KCTD1: variants seen among roughly 807,000 people sequenced by gnomAD.
KCTD1 encodes the protein potassium channel tetramerization domain containing 1, also known as BTB/POZ domain-containing protein KCTD1.
In KCTD1, 24 loss-of-function variants were observed where a neutral mutation model predicts 66.0. That is an observed-to-expected ratio of 0.36 (90% CI 0.26 to 0.51). KCTD1 has a LOEUF of 0.51. Ranked by LOEUF, KCTD1 falls within the 20% of genes least tolerant of loss-of-function variation. KCTD1 has a pLI of 0.95. For synonymous variants in KCTD1, 511 were observed against 517.2 expected, an observed-to-expected ratio of 0.99 and a Z score of 0.16; for missense variants, 943 against 1,205.2, an observed-to-expected ratio of 0.78 and a Z score of 3.22.
At chr18:26,569,756 C>G (rs181108586) in intron 1 of KCTD1, among the ~76,000 whole-genome samples, 4 of 152,138 alleles carry the variant, frequency 2.6e-5, no homozygotes, top group African/African-American at 9.7e-5. Flanking sequence ...TCTCCTAGCT[C>G]GGATCTGAAA....
upstream of KCTD1, chr18:26,549,273 G>A: frequency 1.0e-6 from 1 of 985,600 alleles, no homozygotes; most frequent in Non-Finnish European, 1.2e-6. Flanking sequence ...GGGGCCTGGG[G>A]CCAGCCGCGC....
At chr18:26,470,157 A>T (rs547076396) in intron 3 of KCTD1, among the ~76,000 whole-genome samples, 26 of 152,170 alleles carry the variant, frequency 1.7e-4, no homozygotes, top group Admixed American at 1.7e-3. Flanking sequence ...AAATATTTAC[A>T]TGCTTAATAT....
At chr18:26,517,553 A>C (rs2144737497) in intron 1 of KCTD1, among the ~76,000 whole-genome samples, 1 of 148,640 alleles carries the variant, frequency 6.7e-6, no homozygotes, top group Non-Finnish European at 1.5e-5. Context: ...GCTACTCAAG[A>C]GGCTGAGGCA....
intron 1 of KCTD1, among the ~76,000 whole-genome samples, chr18:26,611,698 G>A (rs1348201645): frequency 6.6e-6 from 1 of 152,124 alleles, no homozygotes; most frequent in African/African-American, 2.4e-5. Context: ...ATCTGTGTTA[G>A]TTCTGGATTG....
chr18:26,558,939 A>C (rs1985776804), intron 1 of KCTD1, among the ~76,000 whole-genome samples: 1 of 152,078 alleles, frequency 6.6e-6, no homozygotes, highest in Admixed American at 6.5e-5. Context: ...AAGCAAAAAA[A>C]GAAAAAAAAA....
chr18:26,579,427 A>C (rs1411238843), intron 1 of KCTD1, among the ~76,000 whole-genome samples: 1 of 152,232 alleles, frequency 6.6e-6, no homozygotes, highest in Non-Finnish European at 1.5e-5. Context: ...ACAATTTTGC[A>C]GATGACCCCA....
intron 1 of KCTD1, among the ~76,000 whole-genome samples, chr18:26,504,158 C>CT (rs921754000): frequency 6.6e-6 from 1 of 152,130 alleles, no homozygotes; most frequent in Non-Finnish European, 1.5e-5. Context: ...CAGCCTCAAA[C>CT]TTCTGGGATC....
At chr18:26,633,370 T>C (rs73405396), upstream of KCTD1, among the ~76,000 whole-genome samples, 288 of 152,104 alleles carry the variant, frequency 1.9e-3, no homozygotes, top group African/African-American at 6.1e-3. Flanking sequence ...CAAATTATCA[T>C]AAAAGGAGGC....
In KCTD1 at chr18:26,647,519, C is replaced by CAAAAAAAAAAAAAAAAAAAAAA. The variant is rs57856118; in HGVS notation, c.9+9819_9+9840dup. On this transcript the variant is annotated intron_variant, in intron 1 of 4. Transcript: ENST00000580191. ...TGGGAAACAGAGTGAGACTCCATCT[C>CAAAAAAAAAAAAAAAAAAAAAA]AAAAAAAAAAAAAAAAAAAAAAAAA... Among the ~76,000 whole-genome samples, 24 of 57,318 alleles carry CAAAAAAAAAAAAAAAAAAAAAA rather than the reference C, an allele frequency of 4.2e-4. 1 individual carries two copies. Among genetic ancestry groups the CAAAAAAAAAAAAAAAAAAAAAA allele is most frequent in the Admixed American group, 9.1e-4 (3 of 3,314 alleles). 37.6% of individuals were successfully genotyped at this position (57,318 alleles called of 152,430 possible).
At chr18:26,459,528 C>G in intron 4 of KCTD1, 92 bp downstream of exon 4, 1 of 1,273,668 alleles carries the variant, frequency 7.9e-7, no homozygotes, top group East Asian at 2.4e-5. Context: ...AGTTTCTAAG[C>G]TCTTTGGAGG....
At chr18:26,656,104 C>T (rs1988130730) in intron 1 of KCTD1, among the ~76,000 whole-genome samples, 1 of 152,164 alleles carries the variant, frequency 6.6e-6, no homozygotes, top group South Asian at 2.1e-4. Context: ...AACTGAATCC[C>T]TCCCGCCCAC....
chr18:26,543,987 A>G (rs1049084054), intron 1 of KCTD1: 1 of 152,346 alleles, frequency 6.6e-6, no homozygotes, highest in African/African-American at 2.4e-5. Context: ...AAAATGCTCT[A>G]TTTTTATGCA....
intron 1 of KCTD1, among the ~76,000 whole-genome samples, chr18:26,558,015 C>G (rs942354786): frequency 2.6e-5 from 4 of 152,246 alleles, no homozygotes; most frequent in Non-Finnish European, 4.4e-5. Flanking sequence ...GAGTCCAGCT[C>G]TCTGTTGGGG....
At chr18:26,635,078 T>TGTATA (rs1220084535) in intron 1 of KCTD1, among the ~76,000 whole-genome samples, 1 of 152,264 alleles carries the variant, frequency 6.6e-6, no homozygotes, top group African/African-American at 2.4e-5. Context: ...TTGTCTTTAT[T>TGTATA]AACTTTTGAT....
At chr18:26,630,777 G>T (rs1213315279), upstream of KCTD1, among the ~76,000 whole-genome samples, 1 of 152,180 alleles carries the variant, frequency 6.6e-6, no homozygotes, top group Non-Finnish European at 1.5e-5. Context: ...TTCATGGAAC[G>T]CCATTGTTAT....
chr18:26,540,243 C>CATCT (rs1295206632), intron 1 of KCTD1, among the ~76,000 whole-genome samples: 1 of 152,250 alleles, frequency 6.6e-6, no homozygotes, highest in Non-Finnish European at 1.5e-5. Context: ...AAGGAAGCAA[C>CATCT]ATCTGTCTCT....
chr18:26,628,179 T>C (rs1987543565), intron 1 of KCTD1, among the ~76,000 whole-genome samples: 2 of 152,220 alleles, frequency 1.3e-5, no homozygotes, highest in Admixed American at 6.5e-5. Context: ...TCATCCAGAC[T>C]AAAACATTTA....
chr18:26,565,159 T>C (rs1380971293), intron 1 of KCTD1, among the ~76,000 whole-genome samples: 2 of 152,078 alleles, frequency 1.3e-5, no homozygotes, highest in African/African-American at 2.4e-5. Flanking sequence ...AGGATGAGAG[T>C]GCTAAGGTGT....
chr18:26,467,591 G>A (rs1980813017), intron 3 of KCTD1, among the ~76,000 whole-genome samples: 1 of 152,028 alleles, frequency 6.6e-6, no homozygotes, highest in Admixed American at 6.6e-5. Flanking sequence ...CGAGGTGGGT[G>A]GATCACCTGA....
Sources: gnomAD v4.1 joint callset for allele counts (sites outside exome capture counted in the v4.1 genomes callset) on GRCh38, gnomAD v4.1.1 for gene constraint, MANE v1.5 for transcripts, NCBI Gene and HGNC (gene_info 2026-07-23, HGNC 2026-07-21) for gene names.